MAGI1: variants seen among roughly 807,000 people sequenced by gnomAD.
The protein encoded by MAGI1 is membrane-associated guanylate kinase, WW and PDZ domain-containing protein 1.
In MAGI1, 58 loss-of-function variants were observed where a neutral mutation model predicts 139.9. The observed-to-expected ratio is 0.41, with a 90% CI of 0.34 to 0.52. The LOEUF is 0.52. Ranked by LOEUF, MAGI1 falls within the 20% of genes least tolerant of loss-of-function variation. The pLI is 0.12. For synonymous variants in MAGI1, 812 were observed against 737.9 expected (o/e 1.10, Z -1.63); for missense variants, 1,874 against 1,901.6 (o/e 0.99, Z 0.27).
intron 12 of MAGI1, among the ~76,000 whole-genome samples, chr3:65,422,252 T>G (rs1946679954): frequency 6.6e-6 from 1 of 152,232 alleles, no homozygotes; most frequent in African/African-American, 2.4e-5. Context: ...CATGAGATAG[T>G]GGCTACTTGA....
intron 1 of MAGI1, among the ~76,000 whole-genome samples, chr3:65,812,880 T>C (rs1199448058): frequency 1.3e-5 from 2 of 151,742 alleles, no homozygotes; most frequent in Non-Finnish European, 2.9e-5. Flanking sequence ...CAGCTAATTT[T>C]TGTATTTTTT....
intron 1 of MAGI1, among the ~76,000 whole-genome samples, chr3:65,695,727 A>G (rs751856946): frequency 2.6e-4 from 39 of 152,190 alleles, no homozygotes; most frequent in Admixed American, 1.4e-3. Flanking sequence ...TGGAAAAGAA[A>G]TAAAAAGACT....
At chr3:65,639,989 C>CA (rs10576734) in intron 1 of MAGI1, among the ~76,000 whole-genome samples, 44,130 of 136,018 alleles carry the variant, frequency 0.32, 7,204 homozygotes, top group East Asian at 0.43. Flanking sequence ...AACTCCGTCT[C>CA]AAAAAAAAAA....
intron 1 of MAGI1, among the ~76,000 whole-genome samples, chr3:66,016,136 C>T (rs149671018): frequency 3.0e-4 from 45 of 152,224 alleles, no homozygotes; most frequent in African/African-American, 1.0e-3. Context: ...CCTCCACAAG[C>T]CTAGAATCAA....
intron 22 of MAGI1, chr3:65,360,050 C>A (rs909157953): frequency 7.1e-6 from 7 of 985,348 alleles, no homozygotes; most frequent in Non-Finnish European, 6.0e-6. Flanking sequence ...CTAATACCCA[C>A]CCTCCCCCTG....
At chr3:65,944,382 G>C (rs1043447901) in intron 1 of MAGI1, among the ~76,000 whole-genome samples, 22 of 152,012 alleles carry the variant, frequency 1.4e-4, no homozygotes, top group Non-Finnish European at 3.1e-4. Context: ...AGATGGATGT[G>C]GGGTACGTGC....
intron 1 of MAGI1, among the ~76,000 whole-genome samples, chr3:66,007,888 T>C (rs1056106899): frequency 2.4e-4 from 36 of 147,794 alleles, no homozygotes; most frequent in African/African-American, 2.3e-4. Context: ...TCTGGCTCCA[T>C]AGATTTTTTT....
intron 2 of MAGI1, among the ~76,000 whole-genome samples, chr3:65,522,721 A>G (rs748168758): frequency 6.6e-6 from 1 of 152,166 alleles, no homozygotes; most frequent in Non-Finnish European, 1.5e-5. Flanking sequence ...TTAGCTCCCC[A>G]CAAACCTCTC....
intron 1 of MAGI1, among the ~76,000 whole-genome samples, chr3:65,894,889 C>A (rs1460161767): frequency 6.6e-6 from 1 of 152,198 alleles, no homozygotes; most frequent in Non-Finnish European, 1.5e-5. Flanking sequence ...CTTGCCTCAT[C>A]CAGATTCACT....
intron 1 of MAGI1, among the ~76,000 whole-genome samples, chr3:65,745,994 TG>T (rs930290078): frequency 3.9e-5 from 6 of 152,048 alleles, no homozygotes; most frequent in African/African-American, 1.5e-4. Context: ...CTTCCCAAAG[TG>T]CTGGGATTGC....
At chr3:65,421,708 G>C (rs1456646197) in intron 12 of MAGI1, among the ~76,000 whole-genome samples, 1 of 152,102 alleles carries the variant, frequency 6.6e-6, no homozygotes, top group Non-Finnish European at 1.5e-5. Context: ...TAGTATAAAA[G>C]CTGAGATGCT....
intron 1 of MAGI1, among the ~76,000 whole-genome samples, chr3:65,757,043 A>G (rs1368908562): frequency 6.6e-6 from 1 of 151,452 alleles, no homozygotes; most frequent in East Asian, 2.0e-4. Context: ...AATCTATCAC[A>G]GCTTTGGGTT....
intron 1 of MAGI1, among the ~76,000 whole-genome samples, chr3:65,984,592 C>T (rs1426664424): frequency 2.7e-5 from 4 of 149,760 alleles, no homozygotes; most frequent in African/African-American, 4.9e-5. Flanking sequence ...TACAGTGTTA[C>T]GATCACCACT....
intron 1 of MAGI1, among the ~76,000 whole-genome samples, chr3:65,845,425 C>CA (rs2058958415): frequency 6.6e-6 from 1 of 152,042 alleles, no homozygotes; most frequent in Middle Eastern, 3.2e-3. Context: ...CATCTTTATC[C>CA]AAAAATGAGC....
intron 1 of MAGI1, among the ~76,000 whole-genome samples, chr3:65,753,122 A>G (rs1042125440): frequency 1.9e-4 from 29 of 152,178 alleles, no homozygotes; most frequent in Non-Finnish European, 4.0e-4. Context: ...GTCATAGTGC[A>G]ACACCAAAGA....
At chr3:65,609,199 C>T (rs1441947412) in intron 2 of MAGI1, among the ~76,000 whole-genome samples, 2 of 151,886 alleles carry the variant, frequency 1.3e-5, no homozygotes, top group African/African-American at 2.4e-5. Context: ...CATGTGTGTG[C>T]GTAAAAATTT....
rs182117486 is a variant in MAGI1, at chr3:65,927,777, G to C, written c.313+110219C>G. Among the ~76,000 whole-genome samples the C allele has an allele frequency of 3.5e-4, 53 of 152,270 alleles. 1 individual carries two copies. The highest frequency in any genetic ancestry group is 3.4e-3 in the Admixed American group (52 of 15,294). ...AGAGTATGACAGGGTTCTGAGGTGA[G>C]AGAAGGGACTCTTAGGCTCATTCCT... On this transcript the variant is annotated intron_variant, in intron 1 of 22. Coordinates refer to ENST00000402939, the MANE Select transcript of MAGI1 (RefSeq NM_001033057.2).
chr3:66,006,495 G>T (rs1001277656), intron 1 of MAGI1, among the ~76,000 whole-genome samples: 1 of 152,106 alleles, frequency 6.6e-6, no homozygotes, highest in African/African-American at 2.4e-5. Flanking sequence ...GTGTGTATGG[G>T]TATGTATATG....
Position 65,859,013 on chromosome 3 carries a change from C to A in MAGI1, c.313+178983G>T, listed in dbSNP as rs891594727. ...CATGTACACGTTGGCCTGCTGTGTGCCAGATATTGTGCTATGTGCTTTAAA... is the reference window on the plus strand; with the variant it reads ...CATGTACACGTTGGCCTGCTGTGTGACAGATATTGTGCTATGTGCTTTAAA... On this transcript the variant is annotated intron_variant, in intron 1 of 22. Coordinates refer to ENST00000402939, the MANE Select transcript of MAGI1 (RefSeq NM_001033057.2). Among the ~76,000 whole-genome samples, 4 of 152,216 alleles carry A rather than the reference C, an allele frequency of 2.6e-5. No individual in the cohort carries two copies. The East Asian group carries it at 5.8e-4, about 22-fold the overall frequency.
Sources: gnomAD v4.1 joint callset for allele counts (sites outside exome capture counted in the v4.1 genomes callset) on GRCh38, gnomAD v4.1.1 for gene constraint, MANE v1.5 for transcripts, NCBI Gene and HGNC (gene_info 2026-07-23, HGNC 2026-07-21) for gene names.